CADM2: variants seen among roughly 807,000 people sequenced by gnomAD.
CADM2 encodes cell adhesion molecule 2, also known as immunoglobulin superfamily member 4D.
CADM2 carries 12 observed loss-of-function variants against 49.8 expected under a neutral mutation model. That is an observed-to-expected ratio of 0.24 (90% CI 0.15 to 0.39). The LOEUF (loss-of-function observed/expected upper bound fraction) is 0.39, where lower values mean the gene tolerates loss of function less well. CADM2 is among the 10% of genes least tolerant of loss of function. The probability of loss-of-function intolerance (pLI) is 1.00; values close to 1 mark genes in which losing one functional copy is unlikely to be tolerated. For synonymous variants in CADM2, 214 were observed against 175.4 expected, an observed-to-expected ratio of 1.22 and a Z score of -1.74; for missense variants, 378 against 492.3, an observed-to-expected ratio of 0.77 and a Z score of 2.20.
chr3:85,018,977 A>G (rs116084997), intron 1 of CADM2, among the ~76,000 whole-genome samples: 14 of 152,280 alleles, frequency 9.2e-5, no homozygotes, highest in African/African-American at 3.4e-4. Context: ...GGAAATAAAC[A>G]TTGGGAAGGT....
At position 85,568,452 on chromosome 3, in the gene CADM2, T is replaced by TC. The variant is rs1559915917; in HGVS notation, c.62-158070_62-158069insC. Among the ~76,000 whole-genome samples, 186 of 20,656 alleles carry TC rather than the reference T, an allele frequency of 9.0e-3. 10 individuals are homozygous for TC. Among genetic ancestry groups the TC allele is most frequent in the South Asian group, 0.012 (8 of 652 alleles). The allele number at this position is 20,656 out of a possible 152,430, so 13.6% of individuals were successfully genotyped here. A position where few individuals can be genotyped will look rare whatever the true frequency, so the allele number is the denominator to read the frequency against. On this transcript the variant is annotated intron_variant, in intron 1 of 9. Transcript: ENST00000383699. The stretch of plus-strand genomic sequence containing the variant: ...CTTTCTTTCTTTCTTTCTTTCTTTC[T>TC]TTCTTTCTTTCTCTTTCTCTCTCTT...
chr3:85,590,133 A>G (rs1235086220), intron 1 of CADM2, among the ~76,000 whole-genome samples: 1 of 152,018 alleles, frequency 6.6e-6, no homozygotes, highest in African/African-American at 2.4e-5. Flanking sequence ...AGAAGTTTTT[A>G]TCTGTACAGT....
At chr3:85,094,328 C>G (rs763183091) in intron 1 of CADM2, among the ~76,000 whole-genome samples, 1 of 152,036 alleles carries the variant, frequency 6.6e-6, no homozygotes, top group Non-Finnish European at 1.5e-5. Flanking sequence ...GGCCTGTATT[C>G]AGCTACTAAT....
intron 3 of CADM2, among the ~76,000 whole-genome samples, chr3:85,834,405 C>T (rs1577432405): frequency 6.6e-6 from 1 of 151,294 alleles, no homozygotes; most frequent in South Asian, 2.1e-4. Flanking sequence ...TATAGTGCAA[C>T]CAGAAAGAAT....
At chr3:85,205,408 T>TA (rs1355383779) in intron 1 of CADM2, among the ~76,000 whole-genome samples, 10 of 152,188 alleles carry the variant, frequency 6.6e-5, no homozygotes. Flanking sequence ...TATCTAGGAC[T>TA]ATAAATAAAT....
chr3:85,433,069 A>T (rs564881548), intron 1 of CADM2, among the ~76,000 whole-genome samples: 113 of 152,236 alleles, frequency 7.4e-4, no homozygotes, highest in Non-Finnish European at 1.3e-3. Flanking sequence ...TTAAGAATTT[A>T]TACATGTATT....
At chr3:85,135,096 A>G (rs184937360) in intron 1 of CADM2, among the ~76,000 whole-genome samples, 8 of 152,156 alleles carry the variant, frequency 5.3e-5, no homozygotes, top group Admixed American at 2.0e-4. Context: ...ATGTGTATAT[A>G]AAATGCAAAA....
chr3:85,334,625 A>G (rs2107166026), intron 1 of CADM2, among the ~76,000 whole-genome samples: 1 of 151,686 alleles, frequency 6.6e-6, no homozygotes, highest in East Asian at 1.9e-4. Flanking sequence ...TTTGCCTAAA[A>G]CTTAGCTAAA....
intron 1 of CADM2, among the ~76,000 whole-genome samples, chr3:85,307,942 GA>G (rs59683458): frequency 0.19 from 24,053 of 127,176 alleles, 2,443 homozygotes; most frequent in African/African-American, 0.32. Flanking sequence ...AGAAAAATTA[GA>G]AAAAAAAAAA....
At chr3:85,468,093 G>T (rs1459961056) in intron 1 of CADM2, among the ~76,000 whole-genome samples, 2 of 134,432 alleles carry the variant, frequency 1.5e-5, no homozygotes, top group Non-Finnish European at 3.1e-5. Context: ...GGCGGAGCTT[G>T]CAGTGAGCCG....
At chr3:85,798,912 G>A (rs2071806838) in intron 2 of CADM2, among the ~76,000 whole-genome samples, 1 of 152,102 alleles carries the variant, frequency 6.6e-6, no homozygotes, top group Non-Finnish European at 1.5e-5. Context: ...AGCATAGAAT[G>A]TTTTTCCATT....
At chr3:85,069,703 G>A (rs1049350085) in intron 1 of CADM2, among the ~76,000 whole-genome samples, 1 of 152,050 alleles carries the variant, frequency 6.6e-6, no homozygotes, top group African/African-American at 2.4e-5. Context: ...GTAAATATCA[G>A]TATTATCTTT....
chr3:86,015,057 G>A lies in CADM2; in HGVS notation c.971-50548G>A, dbSNP rs375742025. On this transcript the variant is annotated intron_variant, in intron 8 of 9. Transcript: ENST00000383699. Reference sequence around the variant, plus strand: ...CCTGGATTTAATGGCGGACACACACGTTAAACCCTATACAAGTAAGTCAGA... The same window carrying A: ...CCTGGATTTAATGGCGGACACACACATTAAACCCTATACAAGTAAGTCAGA... The A allele has an allele frequency of 9.6e-4, 726 of 755,740 alleles. 17 individuals are homozygous for A. The South Asian group carries it at 0.011, about 12-fold the overall frequency. 46.8% of individuals were successfully genotyped at this position (755,740 alleles called of 1,614,324 possible).
intron 1 of CADM2, among the ~76,000 whole-genome samples, chr3:85,161,741 G>T (rs1352791419): frequency 6.6e-6 from 1 of 152,074 alleles, no homozygotes; most frequent in Non-Finnish European, 1.5e-5. Flanking sequence ...TTCAAGGCTG[G>T]GTGCGGTGAC....
At chr3:85,519,096 G>A (rs904349315) in intron 1 of CADM2, among the ~76,000 whole-genome samples, 1 of 151,886 alleles carries the variant, frequency 6.6e-6, no homozygotes, top group Non-Finnish European at 1.5e-5. Flanking sequence ...ATGTATAATA[G>A]AGCATTACAC....
At chr3:85,469,934 T>C (rs1327534863) in intron 1 of CADM2, among the ~76,000 whole-genome samples, 1 of 152,078 alleles carries the variant, frequency 6.6e-6, no homozygotes, top group East Asian at 1.9e-4. Context: ...CTGGGAGTGA[T>C]GGAGCATGAC....
At chr3:85,615,981 G>A (rs903972090) in intron 1 of CADM2, among the ~76,000 whole-genome samples, 2 of 151,936 alleles carry the variant, frequency 1.3e-5, no homozygotes, top group Non-Finnish European at 2.9e-5. Flanking sequence ...AAAGTATAAT[G>A]TGTTGAATGA....
chr3:85,649,552 T>C (rs549023936), intron 1 of CADM2, among the ~76,000 whole-genome samples: 1 of 152,308 alleles, frequency 6.6e-6, no homozygotes, highest in South Asian at 2.1e-4. Context: ...TGTCACTGTT[T>C]TATGGTACCT....
chr3:85,980,685 T>G (rs2108668046), intron 8 of CADM2, among the ~76,000 whole-genome samples: 1 of 151,708 alleles, frequency 6.6e-6, no homozygotes. Context: ...AAATGAAAGT[T>G]ATCTAAAGTT....
Sources: gnomAD v4.1 joint callset for allele counts (sites outside exome capture counted in the v4.1 genomes callset) on GRCh38, gnomAD v4.1.1 for gene constraint, MANE v1.5 for transcripts, NCBI Gene and HGNC (gene_info 2026-07-23, HGNC 2026-07-21) for gene names.